The following ITGAE variants were observed in gnomAD, a reference collection of about 807,000 sequenced individuals.
ITGAE encodes the protein integrin alpha-E.
A neutral mutation model predicts 136.5 loss-of-function variants in ITGAE; 99 were observed. That is an observed-to-expected ratio of 0.73 (90% CI 0.62 to 0.86). The LOEUF (loss-of-function observed/expected upper bound fraction) is 0.86, where lower values mean the gene tolerates loss of function less well. ITGAE is among the 40% of genes least tolerant of loss of function. The pLI is 0.00. For missense variants in ITGAE, 1,447 were observed against 1,515.3 expected (o/e 0.95, Z 0.75); for synonymous variants, 613 against 591.8 (o/e 1.04, Z -0.52).
Position 3,753,280 on chromosome 17 carries a change from ACT to A in ITGAE, c.1668+8_1668+9del. ...CCTCAGCAAGCTCATGAAGATGGAG[ACT>A]CTCCCACCTGCTCGCTGAGACGGTA... On this transcript the variant is annotated splice_region_variant and intron_variant, in intron 14 of 30. Coordinates refer to ENST00000263087, the MANE Select transcript of ITGAE (RefSeq NM_002208.5). 1.2e-6 allele frequency: 2 copies of A among 1,610,968 alleles called. No individual in the cohort carries two copies. Among genetic ancestry groups the A allele is most frequent in the Non-Finnish European group, 1.7e-6 (2 of 1,178,086 alleles).
chr17:3,774,888 C>T (rs1041465167), intron 2 of ITGAE, among the ~76,000 whole-genome samples: 1 of 152,170 alleles, frequency 6.6e-6, no homozygotes, highest in Admixed American at 6.6e-5. Flanking sequence ...AGACACACTC[C>T]TACATCAGCA....
At chr17:3,770,864 G>A (rs528573708) in intron 2 of ITGAE, among the ~76,000 whole-genome samples, 14 of 152,252 alleles carry the variant, frequency 9.2e-5, no homozygotes, top group Non-Finnish European at 1.9e-4. Flanking sequence ...GAGGGGCTGT[G>A]AATGTCGGTG....
In ITGAE at chr17:3,775,204, A is replaced by G. The variant is rs548651537; in HGVS notation, c.155+2336T>C. Among the ~76,000 whole-genome samples, 7 of 151,612 alleles carry G rather than the reference A, an allele frequency of 4.6e-5. No individual in the cohort carries two copies. The East Asian group carries it at 1.4e-3, about 30-fold the overall frequency. Reference sequence around the variant, plus strand: ...GGGCTCATGTGATCCACCCGCCTTGACCTCCCAAAGTGCTAGGATTACAGG... The same window carrying G: ...GGGCTCATGTGATCCACCCGCCTTGGCCTCCCAAAGTGCTAGGATTACAGG... On this transcript the variant is annotated intron_variant, in intron 2 of 30. Transcript: ENST00000263087.
At position 3,785,418 on chromosome 17, in the gene ITGAE, G is replaced by A. The variant is rs578089512; in HGVS notation, c.35-7758C>T. Among the ~76,000 whole-genome samples the A allele has an allele frequency of 3.3e-5, 5 of 151,420 alleles. No homozygotes were observed. The South Asian group carries it at 8.4e-4, about 25-fold the overall frequency. ...AGGGAGGTGGAGGTTGCAGTGAGCC[G>A]AGATCGTGCCATTGCACTCCAGCCT... On this transcript the variant is annotated intron_variant, in intron 1 of 30. Coordinates refer to ENST00000263087, the MANE Select transcript of ITGAE (RefSeq NM_002208.5).
intron 2 of ITGAE, among the ~76,000 whole-genome samples, chr17:3,770,289 T>C (rs993335202): frequency 1.5e-4 from 21 of 140,858 alleles, no homozygotes; most frequent in African/African-American, 4.5e-4. Flanking sequence ...CCAGCTAAAT[T>C]TTTTTTTTTT....
intron 19 of ITGAE, among the ~76,000 whole-genome samples, chr17:3,741,511 T>A (rs951412386): frequency 1.3e-5 from 2 of 152,134 alleles, no homozygotes; most frequent in Non-Finnish European, 2.9e-5. Context: ...CCGATGTGCC[T>A]AATACCACGT....
Position 3,753,349 on chromosome 17 carries a change from G to A in ITGAE, c.1609C>T (p.Pro537Ser). ...TCTTCTCCATGAACGTGGTAAAATGGAGCAGCCACCAGCAAGAAGTCCGTG... is the reference window on the plus strand; with the variant it reads ...TCTTCTCCATGAACGTGGTAAAATGAAGCAGCCACCAGCAAGAAGTCCGTG... ...GSTDFLLVAAPFYHVHGEEGR... is the reference protein window; with the variant it reads ...GSTDFLLVAASFYHVHGEEGR... The change falls in exon 14 of 31, where the codon CCA becomes TCA. Residue 537 changes from proline (P) to serine (S), a missense_variant. Around this residue, in one of 3 missense-constraint regions of ITGAE, gnomAD observed 1,031 missense variants for 1,011.4 expected, o/e 1.02. Transcript: ENST00000263087. The A allele has an allele frequency of 1.9e-6, 3 of 1,614,136 alleles. No homozygotes were observed. Among genetic ancestry groups the A allele is most frequent in the Non-Finnish European group, 2.5e-6 (3 of 1,180,028 alleles).
chr17:3,759,023 G>T (rs2052096683), intron 8 of ITGAE, among the ~76,000 whole-genome samples: 3 of 151,894 alleles, frequency 2.0e-5, no homozygotes, highest in Non-Finnish European at 4.4e-5. Context: ...TACTCGGGAG[G>T]CTGAGGCAGG....
chr17:3,760,093 C>A, intron 7 of ITGAE, 79 bp downstream of exon 7: 1 of 843,400 alleles, frequency 1.2e-6, no homozygotes, highest in Non-Finnish European at 2.0e-6. Flanking sequence ...GAATTGTGAG[C>A]AAATGTGGTG....
chr17:3,719,071 A>T (rs970351454), intron 29 of ITGAE, among the ~76,000 whole-genome samples: 6 of 119,628 alleles, frequency 5.0e-5, no homozygotes, highest in Non-Finnish European at 8.9e-5. Flanking sequence ...GTCTCTATTT[A>T]AAAAAAATAA....
At chr17:3,726,052 T>G in intron 26 of ITGAE, 1 of 1,614,198 alleles carries the variant, frequency 6.2e-7, no homozygotes, top group Non-Finnish European at 8.5e-7. Flanking sequence ...GACGTTTCCA[T>G]GGATGAGGAC....
chr17:3,794,210 CT>C (rs764707358), intron 1 of ITGAE, among the ~76,000 whole-genome samples: 25 of 152,128 alleles, frequency 1.6e-4, no homozygotes, highest in Non-Finnish European at 2.4e-4. Flanking sequence ...AACTCCTGAC[CT>C]TGTGATCCGC....
At position 3,763,913 on chromosome 17, in the gene ITGAE, T is replaced by C; in HGVS notation, c.203A>G (p.His68Arg). ...TTCATCCTGGACAAGGGAACATCGA[T>C]GGAGGGGCCCTGGTGTCCTCTTGGT... ...PRTKRTPGPL[H>R]RCSLVQDEIL... Residue 68 changes from histidine to arginine, a missense_variant, in exon 3 of 31, where the codon CAT (histidine) becomes CGT (arginine). By Grantham distance (29) the His-to-Arg change is conservative. Around this residue, in one of 3 missense-constraint regions of ITGAE, gnomAD observed 106 missense variants for 87.8 expected, o/e 1.21. Coordinates refer to ENST00000263087, the MANE Select transcript of ITGAE (RefSeq NM_002208.5). 6.2e-7 allele frequency: 1 copy of C among 1,613,888 alleles called. No homozygotes were observed. Among genetic ancestry groups the C allele is most frequent in the Non-Finnish European group, 8.5e-7 (1 of 1,179,960 alleles).
intron 24 of ITGAE, 50 bp downstream of exon 24, chr17:3,729,428 C>G (rs773886189): frequency 1.7e-5 from 20 of 1,148,616 alleles, no homozygotes; most frequent in Non-Finnish European, 2.6e-5. Flanking sequence ...CCCAAAGCTG[C>G]CCCCTGGGCG....
At chr17:3,794,891 G>A (rs140910146) in intron 1 of ITGAE, among the ~76,000 whole-genome samples, 1 of 152,254 alleles carries the variant, frequency 6.6e-6, no homozygotes, top group African/African-American at 2.4e-5. Flanking sequence ...AGGCCGCAGA[G>A]CAAAGTCCAG....
chr17:3,765,713 C>T (rs1323086938), intron 2 of ITGAE, among the ~76,000 whole-genome samples: 1 of 152,136 alleles, frequency 6.6e-6, no homozygotes, highest in African/African-American at 2.4e-5. Context: ...TAACCATCTC[C>T]TTCGAACACT....
At chr17:3,749,331 T>C (rs1398736928) in intron 16 of ITGAE, among the ~76,000 whole-genome samples, 1 of 151,904 alleles carries the variant, frequency 6.6e-6, no homozygotes, top group Non-Finnish European at 1.5e-5. Flanking sequence ...CTCCGCTCAC[T>C]GCAAGCTCCG....
At position 3,755,390 on chromosome 17, in the gene ITGAE, C is replaced by T. The variant is rs1027268233; in HGVS notation, c.1240-129G>A. 40 of 1,121,460 alleles carry T rather than the reference C, an allele frequency of 3.6e-5. 1 individual carries two copies. In the South Asian group the frequency reaches 5.9e-4, roughly 17 times the overall value. 69.5% of individuals were successfully genotyped at this position (1,121,460 alleles called of 1,614,324 possible). A position where few individuals can be genotyped will look rare whatever the true frequency, so the allele number is the denominator to read the frequency against. On this transcript the variant is annotated intron_variant, in intron 11 of 30. Transcript: ENST00000263087. ...GGGGGGCGTTCGGTGGTCTAGTGCC[C>T]GCCTGGCCAGAGATGCAGGCGGGAA...
Position 3,757,757 on chromosome 17 carries a change from C to T in ITGAE, c.969G>A (p.Thr323=), listed in dbSNP as rs201751970. 29 of 1,614,092 alleles carry T rather than the reference C, an allele frequency of 1.8e-5. No individual in the cohort carries two copies. The highest frequency in any genetic ancestry group is 2.7e-5 in the African/African-American group (2 of 75,014). ...GCATTTTGGGGGAGTTGATGACTGT[C>T]GTAAGGTTGAGGGGGTCCTCGAATA... The part of the protein sequence containing the change: ...GGIFEDPLNL[T]TVINSPKMQG... The change falls in exon 9 of 31, where the codon ACG becomes ACA. Residue 323 remains threonine, a synonymous_variant. Coordinates refer to ENST00000263087, the MANE Select transcript of ITGAE (RefSeq NM_002208.5).
Sources: gnomAD v4.1 joint callset for allele counts (sites outside exome capture counted in the v4.1 genomes callset) on GRCh38, gnomAD v4.1.1 for gene constraint, gnomAD v4.1.1 regional missense constraint, MANE v1.5 for transcripts, NCBI Gene and HGNC (gene_info 2026-07-23, HGNC 2026-07-21) for gene names.